PPME1: variants seen among roughly 807,000 people sequenced by gnomAD.
The protein encoded by PPME1 is testicular secretory protein Li 39.
Under a neutral mutation model 56.9 loss-of-function variants are expected in PPME1, and 17 were observed. That is an observed-to-expected ratio of 0.30 (90% CI 0.20 to 0.45). The LOEUF is 0.45. PPME1 is among the 20% of genes least tolerant of loss of function. The pLI is 1.00. For missense variants in PPME1, 357 were observed against 483.2 expected, an observed-to-expected ratio of 0.74 and a Z score of 2.45; for synonymous variants, 122 against 156.2, an observed-to-expected ratio of 0.78 and a Z score of 1.63.
At chr11:74,225,149 C>A in intron 4 of PPME1, 56 bp from the exon 5 acceptor site, 2 of 1,199,096 alleles carry the variant, frequency 1.7e-6, no homozygotes, top group Non-Finnish European at 1.2e-6. Flanking sequence ...GAGAATACTT[C>A]TGCTTTTATA....
chr11:74,193,209 G>A (rs1047948408), intron 1 of PPME1, among the ~76,000 whole-genome samples: 1 of 152,188 alleles, frequency 6.6e-6, no homozygotes, highest in Non-Finnish European at 1.5e-5. Context: ...ATGATTATTA[G>A]TAACGTGTAA....
chr11:74,171,928 G>C lies in PPME1; in HGVS notation c.101+406G>C, dbSNP rs183432220. On this transcript the variant is annotated intron_variant, in intron 1 of 13. Transcript: ENST00000328257. ...TGAGGGGAATTGGGCCAACAACTAA[G>C]GAAAGGTTTGGGAGGAGTAGATATT... 4.4e-4 allele frequency among the ~76,000 whole-genome samples: 67 copies of C among 152,250 alleles called. 1 individual carries two copies. Among genetic ancestry groups the C allele is most frequent in the South Asian group, 3.7e-3 (18 of 4,828 alleles).
chr11:74,237,606 G>A lies in PPME1; in HGVS notation c.711-1527G>A, dbSNP rs190127093. ...CTCTTTTTTTTTAATGTCAGGAGCC[G>A]TTGATGTTTATTACCTAGATTCATT... is the stretch of plus-strand genomic sequence containing the variant. On this transcript the variant is annotated intron_variant, in intron 8 of 13. Coordinates refer to ENST00000328257, the MANE Select transcript of PPME1 (RefSeq NM_016147.3). 3.2e-3 allele frequency among the ~76,000 whole-genome samples: 479 copies of A among 151,872 alleles called. 3 individuals are homozygous for A. In the Middle Eastern group the frequency reaches 0.034, roughly 11 times the overall value.
intron 1 of PPME1, among the ~76,000 whole-genome samples, chr11:74,180,647 A>AT (rs1290106819): frequency 2.0e-5 from 3 of 152,240 alleles, no homozygotes. Context: ...AATAGGTCTC[A>AT]TGATATGTAC....
intron 8 of PPME1, among the ~76,000 whole-genome samples, chr11:74,236,516 G>A (rs892309398): frequency 1.5e-4 from 23 of 152,304 alleles, no homozygotes; most frequent in Admixed American, 9.8e-4. Context: ...ACAGACAGAA[G>A]TTAGATGAAA....
In PPME1 at chr11:74,222,540, GTGCAGTGGCACAAT is replaced by G. The variant is rs1858825165; in HGVS notation, c.346+172_346+185del. On this transcript the variant is annotated intron_variant, in intron 4 of 13. Transcript: ENST00000328257. The stretch of plus-strand genomic sequence containing the variant: ...GTCTCATTCTGTCGCCCAGGCTGGG[GTGCAGTGGCACAAT>G]CTCAGCTCACTGCAACCTCTGCCTC... 6.7e-6 allele frequency: 4 copies of G among 597,792 alleles called. No individual in the cohort carries two copies. In the African/African-American group the frequency reaches 7.5e-5, roughly 11 times the overall value. The allele number at this position is 597,792 out of a possible 1,614,324, so 37.0% of individuals were successfully genotyped here. A position where few individuals can be genotyped will look rare whatever the true frequency, so the allele number is the denominator to read the frequency against.
chr11:74,253,583 C>CA lies in PPME1; in HGVS notation c.*74dup. 1 of 1,482,400 alleles carries CA rather than the reference C, an allele frequency of 6.7e-7. No individual in the cohort carries two copies. Among genetic ancestry groups the CA allele is most frequent in the Non-Finnish European group, 9.4e-7 (1 of 1,060,456 alleles). 91.8% of individuals were successfully genotyped at this position (1,482,400 alleles called of 1,614,324 possible). On this transcript the variant is annotated 3_prime_UTR_variant, in exon 14 of 14. Coordinates refer to ENST00000328257, the MANE Select transcript of PPME1 (RefSeq NM_016147.3). Reference sequence around the variant, plus strand: ...GTCGCACCAGAGGCCACTGTGATGCCACTGTCTCCTCTCCATCCCGCCCAG... The same window carrying CA: ...GTCGCACCAGAGGCCACTGTGATGCCAACTGTCTCCTCTCCATCCCGCCCAG...
intron 5 of PPME1, among the ~76,000 whole-genome samples, chr11:74,229,414 C>T (rs1341615566): frequency 6.6e-6 from 1 of 152,138 alleles, no homozygotes; most frequent in Non-Finnish European, 1.5e-5. Flanking sequence ...ATTGCTATAG[C>T]AAGGAAGGCC....
intron 10 of PPME1, among the ~76,000 whole-genome samples, chr11:74,246,455 G>A (rs916557662): frequency 1.2e-4 from 19 of 152,036 alleles, no homozygotes; most frequent in African/African-American, 4.1e-4. Flanking sequence ...ATATTAATTA[G>A]GGACGTTCAT....
chr11:74,251,393 T>C, intron 12 of PPME1: 1 of 1,368,326 alleles, frequency 7.3e-7, no homozygotes, highest in Non-Finnish European at 9.4e-7. Flanking sequence ...AACACCATTC[T>C]GTAACTCTGA....
rs745878876 is a variant in PPME1 at position 74,230,970 on chromosome 11, C to T, written c.612C>T (p.Thr204=). The change falls in exon 7 of 14, where the codon ACC becomes ACT. Residue 204 remains threonine, a synonymous_variant. Transcript: ENST00000328257. The surrounding 1 kb of genome is among the most constrained non-coding windows in gnomAD (Gnocchi z 4.9). ...ATTTCTTACGGGGTCGTCCTAAAAC[C>T]TTCAAGTCTCTGGAGAATGCTATTG... ...MQNFLRGRPK[T]FKSLENAIEW... 7 of 1,602,708 alleles carry T rather than the reference C, an allele frequency of 4.4e-6. No homozygotes were observed. The East Asian group carries it at 1.3e-4, about 31-fold the overall frequency.
chr11:74,196,730 T>A (rs1857992140), intron 1 of PPME1, among the ~76,000 whole-genome samples: 1 of 152,222 alleles, frequency 6.6e-6, no homozygotes, highest in Non-Finnish European at 1.5e-5. Context: ...ACTCTAAGTA[T>A]AATGCTTGTA....
chr11:74,239,459 C>G (rs1039529295), intron 9 of PPME1, among the ~76,000 whole-genome samples: 5 of 152,034 alleles, frequency 3.3e-5, no homozygotes, highest in Admixed American at 2.6e-4. Context: ...ATAAAACTTA[C>G]GCTATATACC....
chr11:74,239,407 A>G (rs918567235), intron 9 of PPME1, among the ~76,000 whole-genome samples, 151 bp downstream of exon 9: 1 of 152,186 alleles, frequency 6.6e-6, no homozygotes, highest in African/African-American at 2.4e-5. Flanking sequence ...TAGCTTAACT[A>G]TAAGATGTAA....
intron 3 of PPME1, among the ~76,000 whole-genome samples, chr11:74,214,644 A>T (rs1479694382): frequency 6.6e-6 from 1 of 152,184 alleles, no homozygotes. Context: ...TGAAAACCTT[A>T]CAGGCCAGGG....
chr11:74,184,058 T>G (rs188587174), intron 1 of PPME1, among the ~76,000 whole-genome samples: 109 of 152,316 alleles, frequency 7.2e-4, no homozygotes, highest in African/African-American at 2.5e-3. Context: ...TTTATATTCT[T>G]TTGTGATTCC....
intron 3 of PPME1, among the ~76,000 whole-genome samples, chr11:74,208,719 A>G (rs1444069690): frequency 6.6e-6 from 1 of 152,210 alleles, no homozygotes; most frequent in African/African-American, 2.4e-5. Flanking sequence ...GCAGCAAGAT[A>G]CAAAGGTAAT....
intron 9 of PPME1, among the ~76,000 whole-genome samples, chr11:74,242,529 A>G (rs567597987): frequency 1.3e-3 from 198 of 152,286 alleles, no homozygotes; most frequent in Non-Finnish European, 2.3e-3. Context: ...ATACATGAGT[A>G]TCTTTAGCTC....
At chr11:74,229,659 G>T (rs1034815229) in intron 5 of PPME1, among the ~76,000 whole-genome samples, 2 of 152,092 alleles carry the variant, frequency 1.3e-5, no homozygotes, top group Non-Finnish European at 2.9e-5. Context: ...ACTCTTTCGA[G>T]GTGTTTTCTT....
Sources: allele counts gnomAD v4.1 joint callset (sites outside exome capture counted in the v4.1 genomes callset), GRCh38; gene constraint gnomAD v4.1.1; non-coding constraint Gnocchi (gnomAD v3.1); transcripts MANE v1.5; gene names NCBI Gene and HGNC (gene_info 2026-07-23, HGNC 2026-07-21).